CSDC2: variants seen among roughly 807,000 people sequenced by gnomAD.
The protein encoded by CSDC2 is cold shock domain containing C2.
Under a neutral mutation model 15.8 loss-of-function variants are expected in CSDC2, and 8 were observed. That is an observed-to-expected ratio of 0.51 (90% CI 0.30 to 0.92). The LOEUF (loss-of-function observed/expected upper bound fraction) is 0.92. Ranked by LOEUF, CSDC2 falls within the 40% of genes least tolerant of loss-of-function variation. CSDC2 has a pLI of 0.07. For missense variants in CSDC2, 195 were observed against 213.3 expected (o/e 0.91, Z 0.53); for synonymous variants, 96 against 92.3 (o/e 1.04, Z -0.23).
intron 2 of CSDC2, among the ~76,000 whole-genome samples, chr22:41,573,161 T>C (rs1420953448): frequency 6.6e-6 from 1 of 152,044 alleles, no homozygotes; most frequent in Non-Finnish European, 1.5e-5. Flanking sequence ...ATGGCCAACA[T>C]GGCCAAACAC....
In CSDC2 at chr22:41,574,927, G is replaced by T; in HGVS notation, c.*32G>T. The T allele has an allele frequency of 1.3e-6, 2 of 1,556,136 alleles. No homozygotes were observed. The highest frequency in any genetic ancestry group is 2.7e-5 in the African/African-American group (2 of 73,448). ...TGGTTCACAGGCCAGCTGGCCGGGG[G>T]TTGGGGAGCCACACAGGGTGAACGG... On this transcript the variant is annotated 3_prime_UTR_variant, in exon 4 of 4. Transcript: ENST00000306149.
Position 41,575,454 on chromosome 22 carries a change from C to T in CSDC2, c.*559C>T, listed in dbSNP as rs61730935. On this transcript the variant is annotated 3_prime_UTR_variant, in exon 4 of 4. Coordinates refer to ENST00000306149, the MANE Select transcript of CSDC2 (RefSeq NM_014460.4). The stretch of plus-strand genomic sequence containing the variant: ...AGGACTGACACGGAGGCACACAGGC[C>T]TCTCACTGCCGAGGCCAGCCTTCCT... The T allele has an allele frequency of 0.039, 6,073 of 153,788 alleles. 263 individuals are homozygous for T. The highest frequency in any genetic ancestry group is 0.092 in the African/African-American group (3,844 of 41,602). The allele number at this position is 153,788 out of a possible 1,614,324, so 9.5% of individuals were successfully genotyped here.
intron 1 of CSDC2, among the ~76,000 whole-genome samples, chr22:41,566,453 A>AC (rs2067115065): frequency 6.9e-6 from 1 of 145,168 alleles, no homozygotes; most frequent in African/African-American, 2.5e-5. Context: ...AAAAAAAAAA[A>AC]AAAAAAAAAA....
Position 41,574,999 on chromosome 22 carries a change from G to A in CSDC2, c.*104G>A, listed in dbSNP as rs1446286194. Reference sequence around the variant, plus strand: ...CACTGCCCTGGCTGATGAGTCCTTCGGTGGCCTCAGTGTGCACGTCTGTCT... The same window carrying A: ...CACTGCCCTGGCTGATGAGTCCTTCAGTGGCCTCAGTGTGCACGTCTGTCT... On this transcript the variant is annotated 3_prime_UTR_variant, in exon 4 of 4. Transcript: ENST00000306149. The A allele has an allele frequency of 1.1e-5, 15 of 1,331,350 alleles. No homozygotes were observed. Among genetic ancestry groups the A allele is most frequent in the East Asian group, 2.5e-5 (1 of 39,682 alleles). 82.5% of individuals were successfully genotyped at this position (1,331,350 alleles called of 1,614,324 possible).
intron 1 of CSDC2, among the ~76,000 whole-genome samples, chr22:41,566,633 A>C (rs1340851959): frequency 2.1e-5 from 3 of 143,408 alleles, no homozygotes; most frequent in Non-Finnish European, 4.6e-5. Flanking sequence ...TCTGTCTCAA[A>C]AAAAAAAAAA....
intron 3 of CSDC2, 148 bp from the exon 4 acceptor site, chr22:41,574,585 T>C (rs1460241088): frequency 1.1e-6 from 1 of 884,252 alleles, no homozygotes; most frequent in Non-Finnish European, 1.7e-6. Flanking sequence ...TTTTACAGAT[T>C]CGAGAGCTGA....
Position 41,576,442 on chromosome 22 carries a change from GCC to G in CSDC2, c.*1551_*1552del, listed in dbSNP as rs1186961037. On this transcript the variant is annotated 3_prime_UTR_variant, in exon 4 of 4. Coordinates refer to ENST00000306149, the MANE Select transcript of CSDC2 (RefSeq NM_014460.4). Reference sequence around the variant, plus strand: ...TGTTGGTGAGGGCTGACTCCTGGGGGCCCCCAAGGCTCCCCTCCTGTGGGGAG... The same window carrying G: ...TGTTGGTGAGGGCTGACTCCTGGGGGCCCAAGGCTCCCCTCCTGTGGGGAG... 2.0e-5 allele frequency: 3 copies of G among 152,390 alleles called. No individual in the cohort carries two copies. Among genetic ancestry groups the G allele is most frequent in the African/African-American group, 7.2e-5 (3 of 41,428 alleles). The allele number at this position is 152,390 out of a possible 1,614,324, so 9.4% of individuals were successfully genotyped here. A position where few individuals can be genotyped will look rare whatever the true frequency, so the allele number is the denominator to read the frequency against.
In CSDC2 at chr22:41,572,141, C is replaced by A; in HGVS notation, c.176C>A (p.Ala59Glu). 7.6e-7 allele frequency: 1 copy of A among 1,314,606 alleles called. No individual in the cohort carries two copies. Among genetic ancestry groups the A allele is most frequent in the Non-Finnish European group, 9.8e-7 (1 of 1,025,042 alleles). The allele number at this position is 1,314,606 out of a possible 1,614,324, so 81.4% of individuals were successfully genotyped here. Reference sequence around the variant, plus strand: ...ACCAAGCGGACCAGGACCTATTCAGCGTGAGTACCTGCCCCTTGCCCAGGC... The same window carrying A: ...ACCAAGCGGACCAGGACCTATTCAGAGTGAGTACCTGCCCCTTGCCCAGGC... ...LPTKRTRTYSATARASAGPVF... is the reference protein window; with the variant it reads ...LPTKRTRTYSETARASAGPVF... Residue 59 changes from alanine (A) to glutamate (E), a missense_variant and splice_region_variant, in exon 2 of 4, where the codon GCG (alanine) becomes GAG (glutamate). Coordinates refer to ENST00000306149, the MANE Select transcript of CSDC2 (RefSeq NM_014460.4).
At chr22:41,563,098 G>A (rs1341159366) in intron 1 of CSDC2, among the ~76,000 whole-genome samples, 3 of 152,148 alleles carry the variant, frequency 2.0e-5, no homozygotes, top group African/African-American at 4.8e-5. Context: ...GGCAGCCTGG[G>A]CATGTGACAA....
chr22:41,566,081 G>A (rs2067112186), intron 1 of CSDC2, among the ~76,000 whole-genome samples: 1 of 151,320 alleles, frequency 6.6e-6, no homozygotes, highest in African/African-American at 2.4e-5. Context: ...AAGGCGGGTG[G>A]ATCACCTGCA....
At chr22:41,572,443 T>C (rs1410253522) in intron 2 of CSDC2, among the ~76,000 whole-genome samples, 4 of 131,876 alleles carry the variant, frequency 3.0e-5, no homozygotes, top group Non-Finnish European at 6.5e-5. Context: ...CACCTGTCCA[T>C]CCATCCATCC....
chr22:41,566,427 A>G, intron 1 of CSDC2, among the ~76,000 whole-genome samples: 1 of 123,606 alleles, frequency 8.1e-6, no homozygotes, highest in Non-Finnish European at 1.7e-5. Flanking sequence ...CTGTTCACAG[A>G]GCAAGACTCC....
At chr22:41,568,632 C>A (rs2067128958) in intron 1 of CSDC2, among the ~76,000 whole-genome samples, 1 of 152,224 alleles carries the variant, frequency 6.6e-6, no homozygotes, top group African/African-American at 2.4e-5. Flanking sequence ...GAAACTGAGG[C>A]TGCAATGGGC....
intron 2 of CSDC2, 149 bp from the exon 3 acceptor site, chr22:41,573,506 G>A (rs1046580931): frequency 2.7e-5 from 24 of 903,790 alleles, no homozygotes; most frequent in South Asian, 8.6e-5. Context: ...CCTCATTATC[G>A]TTGAATGGGG....
chr22:41,564,017 G>C (rs1601990421), intron 1 of CSDC2, among the ~76,000 whole-genome samples: 1 of 150,670 alleles, frequency 6.6e-6, no homozygotes, highest in South Asian at 2.1e-4. Context: ...CTGGGAGGCG[G>C]AGCTTGCAGT....
rs941664745 is a variant in CSDC2 at position 41,565,301 on chromosome 22, T to A, written c.-124+4118T>A. Among the ~76,000 whole-genome samples, 3 of 149,648 alleles carry A rather than the reference T, an allele frequency of 2.0e-5. No individual in the cohort carries two copies. In the East Asian group the frequency reaches 5.9e-4, roughly 29 times the overall value. ...CCCATCTCTACTAAAAATACAAAAA[T>A]TAATCGGGTGTGGTGGTGCACGCCT... On this transcript the variant is annotated intron_variant, in intron 1 of 3. Coordinates refer to ENST00000306149, the MANE Select transcript of CSDC2 (RefSeq NM_014460.4).
chr22:41,564,590 T>C (rs1460628516), intron 1 of CSDC2, among the ~76,000 whole-genome samples: 2 of 152,138 alleles, frequency 1.3e-5, no homozygotes, highest in African/African-American at 2.4e-5. Context: ...TCTGTTTCTG[T>C]TCCCCCCGCT....
chr22:41,564,992 T>A (rs1488943033), intron 1 of CSDC2, among the ~76,000 whole-genome samples: 1 of 150,736 alleles, frequency 6.6e-6, no homozygotes, highest in Non-Finnish European at 1.5e-5. Flanking sequence ...ATGGTGAAAC[T>A]CTGTCTCTAC....
chr22:41,574,976 C>A lies in CSDC2; in HGVS notation c.*81C>A. The A allele has an allele frequency of 2.7e-6, 4 of 1,467,386 alleles. No homozygotes were observed. Among genetic ancestry groups the A allele is most frequent in the South Asian group, 2.5e-5 (2 of 78,514 alleles). The allele number at this position is 1,467,386 out of a possible 1,614,324, so 90.9% of individuals were successfully genotyped here. ...GGGCAGCAGCCGGCTCCATGCCCCA[C>A]TGCCCTGGCTGATGAGTCCTTCGGT... On this transcript the variant is annotated 3_prime_UTR_variant, in exon 4 of 4. Transcript: ENST00000306149.
Sources: gnomAD v4.1 joint callset for allele counts (sites outside exome capture counted in the v4.1 genomes callset) on GRCh38, gnomAD v4.1.1 for gene constraint, MANE v1.5 for transcripts, NCBI Gene and HGNC (gene_info 2026-07-23, HGNC 2026-07-21) for gene names.